Variants in JADE2 observed in about 807,000 individuals in gnomAD.
The protein encoded by JADE2 is jade family PHD finger 2, also known as E3 ubiquitin-protein ligase Jade-2.
A neutral mutation model predicts 85.7 loss-of-function variants in JADE2; 13 were observed. That is an observed-to-expected ratio of 0.15 (90% CI 0.10 to 0.24). The LOEUF (loss-of-function observed/expected upper bound fraction) is 0.24. JADE2 is among the 10% of genes least tolerant of loss of function. JADE2 has a pLI of 1.00. For missense variants in JADE2, 846 were observed against 1,115.9 expected, an observed-to-expected ratio of 0.76 and a Z score of 3.45; for synonymous variants, 440 against 456.1, an observed-to-expected ratio of 0.96 and a Z score of 0.45.
intron 4 of JADE2, among the ~76,000 whole-genome samples, chr5:134,554,899 A>G (rs1189984442): frequency 1.3e-5 from 2 of 152,146 alleles, no homozygotes; most frequent in African/African-American, 4.8e-5. Context: ...TCATCTTTTC[A>G]TTTAACAATC....
chr5:134,560,879 C>A lies in JADE2; in HGVS notation c.606C>A (p.Cys202Ter). The A allele has an allele frequency of 6.2e-7, 1 of 1,614,202 alleles. No homozygotes were observed. Among genetic ancestry groups the A allele is most frequent in the Non-Finnish European group, 8.5e-7 (1 of 1,180,028 alleles). ...TCGAGTACGACGAGGATGTTGTCTGCGACGTGTGTCGCTCTCCTGAGGGCG... is the reference window on the plus strand; with the variant it reads ...TCGAGTACGACGAGGATGTTGTCTGAGACGTGTGTCGCTCTCCTGAGGGCG... The part of the protein sequence containing the change: ...LGIEYDEDVV[C>*]DVCRSPEGED... Residue 202 changes from cysteine to a stop codon, truncating the protein, a stop_gained, in exon 6 of 12, where the codon TGC (cysteine) becomes TGA (stop). Transcript: ENST00000681547. LOFTEE classifies it high-confidence loss of function.
Position 134,573,665 on chromosome 5 carries a change from G to T in JADE2, c.1455G>T (p.Met485Ile). 1 of 1,613,294 alleles carries T rather than the reference G, an allele frequency of 6.2e-7. No individual in the cohort carries two copies. The highest frequency in any genetic ancestry group is 8.5e-7 in the Non-Finnish European group (1 of 1,179,198). The change falls in exon 10 of 12, where the codon ATG becomes ATT. Residue 485 changes from methionine to isoleucine, a missense_variant. Met to Ile is a conservative substitution (Grantham distance 10). This residue lies in a region of JADE2 where 2 missense variants were observed against 18.6 expected (regional missense o/e 0.11). Coordinates refer to ENST00000681547, the MANE Select transcript of JADE2 (RefSeq NM_001388185.1). ...CTCAGGTTAGAAATCTGTGCTACAT[G>T]GTGACAAGGCGCGAGAGAACGAAAC... ...DLERVRNLCY[M>I]VTRRERTKHA...
intron 3 of JADE2, among the ~76,000 whole-genome samples, chr5:134,550,252 C>G (rs1762520338): frequency 6.6e-6 from 1 of 152,302 alleles, no homozygotes; most frequent in Non-Finnish European, 1.5e-5. Context: ...CTTCAAGAAA[C>G]TTGACCTTTT....
intron 1 of JADE2, chr5:134,526,461 G>A (rs1158029533): frequency 1.0e-6 from 1 of 985,252 alleles, no homozygotes; most frequent in African/African-American, 1.7e-5. Flanking sequence ...CCGGGCGGGG[G>A]CTCCGAGAAC....
intron 5 of JADE2, 34 bp downstream of exon 5, chr5:134,560,024 G>T: frequency 6.2e-7 from 1 of 1,612,068 alleles, no homozygotes; most frequent in Non-Finnish European, 8.5e-7. Context: ...TGGGATCACG[G>T]CTGGGCAGGG....
intron 3 of JADE2, among the ~76,000 whole-genome samples, chr5:134,541,280 G>C (rs1223021811): frequency 6.6e-6 from 1 of 152,234 alleles, no homozygotes; most frequent in Non-Finnish European, 1.5e-5. Context: ...AGCCGTGGCC[G>C]GCATAAATTC....
chr5:134,548,598 G>A (rs972115283), intron 3 of JADE2, among the ~76,000 whole-genome samples: 1 of 152,154 alleles, frequency 6.6e-6, no homozygotes, highest in African/African-American at 2.4e-5. Flanking sequence ...CTCCCTGCAT[G>A]ACCCAGGATG....
chr5:134,566,620 G>T lies in JADE2; in HGVS notation c.1434+40G>T. The stretch of plus-strand genomic sequence containing the variant: ...CGCCTGCCCACCCCCTGCCTGGTGG[G>T]TCCAGGAGTCCTTTCCATGCCACAC... On this transcript the variant is annotated intron_variant, in intron 9 of 11. Coordinates refer to ENST00000681547, the MANE Select transcript of JADE2 (RefSeq NM_001388185.1). The surrounding 1 kb of genome is among the most constrained non-coding windows in gnomAD (Gnocchi z 6.7). 1 of 1,414,562 alleles carries T rather than the reference G, an allele frequency of 7.1e-7. No homozygotes were observed. The allele number at this position is 1,414,562 out of a possible 1,614,324, so 87.6% of individuals were successfully genotyped here. A position where few individuals can be genotyped will look rare whatever the true frequency, so the allele number is the denominator to read the frequency against.
chr5:134,539,274 A>G (rs1761815546), intron 3 of JADE2, among the ~76,000 whole-genome samples: 1 of 152,154 alleles, frequency 6.6e-6, no homozygotes. Flanking sequence ...CGTGTTAGCC[A>G]GGATGGTCTC....
At chr5:134,555,398 G>A (rs910392297) in intron 4 of JADE2, among the ~76,000 whole-genome samples, 16 of 152,356 alleles carry the variant, frequency 1.1e-4, no homozygotes, top group African/African-American at 2.9e-4. Flanking sequence ...GACCTCCGCC[G>A]TCCTGGCTAC....
intron 9 of JADE2, 103 bp from the exon 10 acceptor site, chr5:134,573,542 C>T (rs971721619): frequency 1.2e-6 from 1 of 800,238 alleles, no homozygotes; most frequent in African/African-American, 1.7e-5. Flanking sequence ...TGGCGGTAGC[C>T]TGTGCCCCTG....
intron 9 of JADE2, among the ~76,000 whole-genome samples, chr5:134,570,619 C>T (rs1287903154): frequency 2.0e-5 from 3 of 152,204 alleles, no homozygotes; most frequent in Admixed American, 6.5e-5. Context: ...CCTCCCTGCC[C>T]ACCTCTCCAT....
At chr5:134,576,675 G>A (rs1356935647) in intron 10 of JADE2, 93 bp from the exon 11 acceptor site, 3 of 1,452,582 alleles carry the variant, frequency 2.1e-6, no homozygotes, top group African/African-American at 1.4e-5. Flanking sequence ...CTGGCTGATG[G>A]AGGACTCCTG....
chr5:134,533,309 C>T (rs1416322415), intron 1 of JADE2, among the ~76,000 whole-genome samples: 1 of 152,190 alleles, frequency 6.6e-6, no homozygotes, highest in African/African-American at 2.4e-5. Flanking sequence ...GATTCTGGCC[C>T]ACAGATGTGT....
chr5:134,577,305 C>A (rs1420054559), intron 11 of JADE2, among the ~76,000 whole-genome samples: 1 of 152,240 alleles, frequency 6.6e-6, no homozygotes, highest in Non-Finnish European at 1.5e-5. Flanking sequence ...CCTGCAACAG[C>A]AGCAGACTCT....
At position 134,579,287 on chromosome 5, in the gene JADE2, G is replaced by A; in HGVS notation, c.2475G>A (p.Glu825=). 6.2e-7 allele frequency: 1 copy of A among 1,611,924 alleles called. No individual in the cohort carries two copies. The highest frequency in any genetic ancestry group is 8.5e-7 in the Non-Finnish European group (1 of 1,179,380). The stretch of plus-strand genomic sequence containing the variant: ...GTCCCCGGGAGGCAGGGGCAGAGGA[G>A]GTGGTCCGCATGGGCGTACTGGCCT... ...QRGPREAGAE[E]VVRMGVLAS Residue 825 remains glutamate (E), a synonymous_variant, in exon 12 of 12, where the codon GAG becomes GAA. Transcript: ENST00000681547. The surrounding 1 kb of genome is among the most constrained non-coding windows in gnomAD (Gnocchi z 4.6).
At chr5:134,551,529 CTTT>C (rs572386911) in intron 3 of JADE2, among the ~76,000 whole-genome samples, 1 of 142,956 alleles carries the variant, frequency 7.0e-6, no homozygotes. Flanking sequence ...TTGCCTGGCC[CTTT>C]TTTTTTTTTT....
rs535640468 is a variant in JADE2 at position 134,557,273 on chromosome 5, T to A, written c.312-2557T>A. Among the ~76,000 whole-genome samples, 474 of 93,136 alleles carry A rather than the reference T, an allele frequency of 5.1e-3. 3 individuals carry two copies. Among genetic ancestry groups the A allele is most frequent in the African/African-American group, 0.015 (452 of 29,928 alleles). The allele number at this position is 93,136 out of a possible 152,430, so 61.1% of individuals were successfully genotyped here. On this transcript the variant is annotated intron_variant, in intron 4 of 11. Transcript: ENST00000681547. ...TTTCAAGCTTTTATTTTTTTATTTT[T>A]TTTTTTATTTTTTTTTTTTTCAGAC... is the stretch of plus-strand genomic sequence containing the variant.
chr5:134,552,881 C>T (rs1048102118), intron 4 of JADE2, among the ~76,000 whole-genome samples: 17 of 151,274 alleles, frequency 1.1e-4, no homozygotes, highest in African/African-American at 1.9e-4. Context: ...CCATGTTGCC[C>T]GGGCTGATCT....
Sources: gnomAD v4.1 joint callset for allele counts (sites outside exome capture counted in the v4.1 genomes callset) on GRCh38, gnomAD v4.1.1 for gene constraint, gnomAD v4.1.1 regional missense constraint, Gnocchi (gnomAD v3.1) non-coding constraint, MANE v1.5 for transcripts, NCBI Gene and HGNC (gene_info 2026-07-23, HGNC 2026-07-21) for gene names.